Variants in CDH13 observed in about 807,000 individuals in gnomAD.
The protein encoded by CDH13 is cadherin 13, also known as cadherin-13.
In CDH13, 24 loss-of-function variants were observed where a neutral mutation model predicts 63.8. The observed-to-expected ratio is 0.38, with a 90% CI of 0.27 to 0.53. The LOEUF is 0.53. Among genes scored for constraint, CDH13 ranks in the 20% least tolerant of loss-of-function variants. The probability of loss-of-function intolerance (pLI) is 0.85; values close to 1 mark genes in which losing one functional copy is unlikely to be tolerated. For synonymous variants in CDH13, 503 were observed against 355.3 expected, an observed-to-expected ratio of 1.42 and a Z score of -4.67; for missense variants, 1,049 against 903.1, an observed-to-expected ratio of 1.16 and a Z score of -2.07.
At chr16:82,902,823 C>T (rs2041515828) in intron 2 of CDH13, among the ~76,000 whole-genome samples, 1 of 152,082 alleles carries the variant, frequency 6.6e-6, no homozygotes, top group Admixed American at 6.5e-5. Flanking sequence ...CTGCCTTGGT[C>T]TGGTTGGTAT....
chr16:83,482,674 G>T (rs545106893), intron 6 of CDH13, among the ~76,000 whole-genome samples: 2 of 152,226 alleles, frequency 1.3e-5, no homozygotes, highest in African/African-American at 4.8e-5. Context: ...AGATAGGTTG[G>T]GGTTCAAAGT....
At chr16:83,475,084 G>A (rs555444732) in intron 6 of CDH13, among the ~76,000 whole-genome samples, 1 of 152,350 alleles carries the variant, frequency 6.6e-6, no homozygotes, top group South Asian at 2.1e-4. Flanking sequence ...GATTTGCAGA[G>A]CCCATTGTAA....
intron 1 of CDH13, among the ~76,000 whole-genome samples, chr16:82,846,088 C>T (rs1019588814): frequency 3.3e-5 from 5 of 152,162 alleles, no homozygotes; most frequent in Non-Finnish European, 7.3e-5. Flanking sequence ...TGGAAAACAA[C>T]CCAGAGTTTA....
chr16:83,087,230 T>G (rs916595722), intron 3 of CDH13, among the ~76,000 whole-genome samples: 5 of 152,220 alleles, frequency 3.3e-5, no homozygotes, highest in African/African-American at 1.2e-4. Flanking sequence ...TGACTTAATT[T>G]GACGTGATAA....
At chr16:83,375,266 G>T (rs1282797155) in intron 6 of CDH13, among the ~76,000 whole-genome samples, 1 of 152,158 alleles carries the variant, frequency 6.6e-6, no homozygotes, top group African/African-American at 2.4e-5. Context: ...CTTAATTAAG[G>T]AACAAATTGA....
At chr16:83,570,840 T>TTATATATATAAATAAAAATTTATA (rs1491259499) in intron 7 of CDH13, among the ~76,000 whole-genome samples, 23 of 61,544 alleles carry the variant, frequency 3.7e-4, no homozygotes, top group Non-Finnish European at 9.5e-4. Flanking sequence ...AAATTTATAT[T>TTATATATATAAATAAAAATTTATA]TTTATATATA....
At chr16:83,025,502 A>C (rs1005340148) in intron 2 of CDH13, among the ~76,000 whole-genome samples, 11 of 152,170 alleles carry the variant, frequency 7.2e-5, no homozygotes, top group Non-Finnish European at 1.3e-4. Context: ...GCCAGAACTC[A>C]CTGTCACAAG....
chr16:83,643,970 C>A (rs898496187), intron 8 of CDH13, among the ~76,000 whole-genome samples: 9 of 152,326 alleles, frequency 5.9e-5, no homozygotes, highest in Middle Eastern at 3.4e-3. Flanking sequence ...GTTTGAGGAA[C>A]CTGCATGTGG....
At chr16:83,517,902 G>A (rs1256440999) in intron 7 of CDH13, among the ~76,000 whole-genome samples, 1 of 152,138 alleles carries the variant, frequency 6.6e-6, no homozygotes, top group Non-Finnish European at 1.5e-5. Context: ...CAGCAACTCT[G>A]AGGTCGATAT....
intron 11 of CDH13, among the ~76,000 whole-genome samples, chr16:83,758,580 C>G (rs1202990013): frequency 6.6e-6 from 1 of 152,030 alleles, no homozygotes; most frequent in Non-Finnish European, 1.5e-5. Flanking sequence ...AAAAGAAATA[C>G]TAGGCTTAGG....
intron 6 of CDH13, among the ~76,000 whole-genome samples, chr16:83,378,991 C>CTG (rs1567628921): frequency 2.7e-5 from 4 of 146,330 alleles, no homozygotes; most frequent in Non-Finnish European, 6.0e-5. Context: ...ACACATGCAT[C>CTG]TATATATATA....
rs563024800 is a variant in CDH13 at position 83,795,093 on chromosome 16, A to T, written c.*63A>T. Reference sequence around the variant, plus strand: ...ATAGCAACAGGAAAAAAAAAAATCTATCCAAATCTGAAGATTGCGGTTTAC... The same window carrying T: ...ATAGCAACAGGAAAAAAAAAAATCTTTCCAAATCTGAAGATTGCGGTTTAC... On this transcript the variant is annotated 3_prime_UTR_variant, in exon 14 of 14. Coordinates refer to ENST00000567109, the MANE Select transcript of CDH13 (RefSeq NM_001257.5). 4 of 1,448,150 alleles carry T rather than the reference A, an allele frequency of 2.8e-6. No individual in the cohort carries two copies. Among genetic ancestry groups the T allele is most frequent in the East Asian group, 4.8e-5 (2 of 41,254 alleles). 89.7% of individuals were successfully genotyped at this position (1,448,150 alleles called of 1,614,324 possible).
At chr16:83,327,915 G>A (rs1014238936) in intron 5 of CDH13, among the ~76,000 whole-genome samples, 3 of 152,176 alleles carry the variant, frequency 2.0e-5, no homozygotes, top group East Asian at 1.9e-4. Context: ...GGTGGATCAC[G>A]AAGTCAGGAG....
At position 83,797,788 on chromosome 16, in the gene CDH13, C is replaced by A. The variant is rs1481702934; in HGVS notation, c.*2758C>A. ...TTTATTTCCACTGAGCAAATAGTCA[C>A]ACCTTCACTTCTTTTTATTAATACT... is the stretch of plus-strand genomic sequence containing the variant. On this transcript the variant is annotated 3_prime_UTR_variant, in exon 14 of 14. Transcript: ENST00000567109. 1 of 152,232 alleles carries A rather than the reference C, an allele frequency of 6.6e-6. No homozygotes were observed. The highest frequency in any genetic ancestry group is 1.5e-5 in the Non-Finnish European group (1 of 68,046). The allele number at this position is 152,232 out of a possible 1,614,324, so 9.4% of individuals were successfully genotyped here.
chr16:82,794,836 G>C lies in CDH13; in HGVS notation c.46-63526G>C, dbSNP rs142763982. On this transcript the variant is annotated intron_variant, in intron 1 of 13. Coordinates refer to ENST00000567109, the MANE Select transcript of CDH13 (RefSeq NM_001257.5). Reference sequence around the variant, plus strand: ...TGGTTCCTTGGAGGCTGATTCTTCTGCCTGAATTCCTCTCACAGAACATAT... The same window carrying C: ...TGGTTCCTTGGAGGCTGATTCTTCTCCCTGAATTCCTCTCACAGAACATAT... Among the ~76,000 whole-genome samples the C allele has an allele frequency of 7.5e-3, 1,141 of 152,200 alleles. 10 individuals are homozygous for C. The highest frequency in any genetic ancestry group is 0.034 in the Middle Eastern group (10 of 294).
intron 2 of CDH13, among the ~76,000 whole-genome samples, chr16:82,881,508 C>T (rs1309193399): frequency 6.6e-6 from 1 of 152,124 alleles, no homozygotes; most frequent in Non-Finnish European, 1.5e-5. Flanking sequence ...TGGATGTGGG[C>T]TGTGGGAAGG....
At chr16:82,785,026 C>G (rs1241805042) in intron 1 of CDH13, among the ~76,000 whole-genome samples, 1 of 152,132 alleles carries the variant, frequency 6.6e-6, no homozygotes, top group Non-Finnish European at 1.5e-5. Context: ...TGGGGGCCCG[C>G]TCATGGGTGT....
chr16:82,840,564 A>G (rs2038964032), intron 1 of CDH13, among the ~76,000 whole-genome samples: 1 of 151,622 alleles, frequency 6.6e-6, no homozygotes, highest in East Asian at 1.9e-4. Context: ...ACGTGCCTGT[A>G]ACCCCAGCTA....
chr16:82,802,337 G>T (rs910036168), intron 1 of CDH13, among the ~76,000 whole-genome samples: 1 of 152,150 alleles, frequency 6.6e-6, no homozygotes, highest in Non-Finnish European at 1.5e-5. Flanking sequence ...ATAACCAGGA[G>T]TCGACCCTGA....
Sources: allele counts gnomAD v4.1 joint callset (sites outside exome capture counted in the v4.1 genomes callset), GRCh38; gene constraint gnomAD v4.1.1; transcripts MANE v1.5; gene names NCBI Gene and HGNC (gene_info 2026-07-23, HGNC 2026-07-21).